The following RARS2 variants were observed in gnomAD, a reference collection of about 807,000 sequenced individuals.
RARS2 encodes the protein probable arginine--tRNA ligase, mitochondrial.
Under a neutral mutation model 88.5 loss-of-function variants are expected in RARS2, and 67 were observed. That is an observed-to-expected ratio of 0.76 (90% CI 0.62 to 0.93). The LOEUF is 0.93. RARS2 is among the 40% of genes least tolerant of loss of function. RARS2 has a pLI of 0.00. For synonymous variants in RARS2, 239 were observed against 230.3 expected (o/e 1.04, Z -0.34); for missense variants, 664 against 684.2 (o/e 0.97, Z 0.33).
In RARS2 at chr6:87,569,507, T is replaced by C; in HGVS notation, c.110+10A>G. On this transcript the variant is annotated intron_variant, in intron 2 of 19. Coordinates refer to ENST00000369536, the MANE Select transcript of RARS2 (RefSeq NM_020320.5). ...ATTTTATAGATTGTTACAAGTGTAT[T>C]ATACTTAACTCTTTTTGGGAAATTG... 6.4e-7 allele frequency: 1 copy of C among 1,570,228 alleles called. No homozygotes were observed. The highest frequency in any genetic ancestry group is 8.8e-7 in the Non-Finnish European group (1 of 1,140,354).
In RARS2 at chr6:87,569,723, AGCC is replaced by A; in HGVS notation, c.37-136_37-134del. 13 of 753,432 alleles carry A rather than the reference AGCC, an allele frequency of 1.7e-5. No homozygotes were observed. The Admixed American group carries it at 1.9e-4, about 11-fold the overall frequency. 46.7% of individuals were successfully genotyped at this position (753,432 alleles called of 1,614,324 possible). ...CTCCAAATGCATTCCAAGTGAAGGA[AGCC>A]AGATTCAAAAAGGTATATAGTGTAT... is the stretch of plus-strand genomic sequence containing the variant. On this transcript the variant is annotated intron_variant, in intron 1 of 19. Coordinates refer to ENST00000369536, the MANE Select transcript of RARS2 (RefSeq NM_020320.5).
At chr6:87,544,285 C>T (rs1488221871) in intron 7 of RARS2, among the ~76,000 whole-genome samples, 2 of 152,236 alleles carry the variant, frequency 1.3e-5, no homozygotes, top group African/African-American at 4.8e-5. Flanking sequence ...TTTTTAAATG[C>T]AGGGCATGTA....
chr6:87,521,462 AC>A lies in RARS2; in HGVS notation c.1035+1del. ...TCATAACTTTTTGTTCTGATTACTTACCACATATATCATTGTATCAAAATTA... is the reference window on the plus strand; with the variant it reads ...TCATAACTTTTTGTTCTGATTACTTACACATATATCATTGTATCAAAATTA... On this transcript the variant is annotated splice_donor_variant, in intron 12 of 19. Coordinates refer to ENST00000369536, the MANE Select transcript of RARS2 (RefSeq NM_020320.5). LOFTEE classifies it high-confidence loss of function. The A allele has an allele frequency of 6.3e-7, 1 of 1,594,806 alleles. No homozygotes were observed. The highest frequency in any genetic ancestry group is 2.2e-5 in the East Asian group (1 of 44,666).
intron 4 of RARS2, among the ~76,000 whole-genome samples, chr6:87,557,105 G>C (rs564934498): frequency 6.6e-6 from 1 of 152,220 alleles, no homozygotes; most frequent in African/African-American, 2.4e-5. Context: ...AAAGTGCTAG[G>C]TCCAAGACCA....
At chr6:87,570,428 A>AT (rs1438636839) in intron 1 of RARS2, among the ~76,000 whole-genome samples, 3 of 151,834 alleles carry the variant, frequency 2.0e-5, no homozygotes, top group East Asian at 3.9e-4. Flanking sequence ...TGAATGATTT[A>AT]TTTTTTTTGA....
At chr6:87,522,311 C>G (rs1774150551) in intron 11 of RARS2, among the ~76,000 whole-genome samples, 2 of 114,376 alleles carry the variant, frequency 1.7e-5, no homozygotes, top group South Asian at 5.6e-4. Flanking sequence ...GACTGAGCAA[C>G]AGAGCAAGAC....
intron 8 of RARS2, 66 bp from the exon 9 acceptor site, chr6:87,531,008 A>C (rs1175162850): frequency 2.5e-6 from 4 of 1,595,368 alleles, no homozygotes; most frequent in East Asian, 2.2e-5. Context: ...ACACGGAAAG[A>C]AAGCAAAAAA....
chr6:87,570,806 G>A (rs966228788), intron 1 of RARS2, among the ~76,000 whole-genome samples: 2 of 152,016 alleles, frequency 1.3e-5, no homozygotes, highest in African/African-American at 2.4e-5. Flanking sequence ...TCCCACCTCC[G>A]CCCCTCAAAG....
intron 5 of RARS2, among the ~76,000 whole-genome samples, chr6:87,550,220 C>T (rs1405769007): frequency 6.6e-6 from 1 of 152,062 alleles, no homozygotes; most frequent in African/African-American, 2.4e-5. Context: ...ACTCTTCTGC[C>T]TTTAAATAAT....
At chr6:87,552,462 C>G (rs1460821274) in intron 5 of RARS2, among the ~76,000 whole-genome samples, 1 of 152,184 alleles carries the variant, frequency 6.6e-6, no homozygotes, top group Non-Finnish European at 1.5e-5. Context: ...AGGAGATAGA[C>G]AGGCTCTGCC....
rs375525746 is a variant in RARS2, at chr6:87,530,983, T to A, written c.613-41A>T. 70 of 1,611,052 alleles carry A rather than the reference T, an allele frequency of 4.3e-5. No homozygotes were observed. In the African/African-American group the frequency reaches 9.2e-4, roughly 21 times the overall value. ...TACATTAAATGAAGTACATAACAGG[T>A]CATTGTTATCTCTAACACGGAAAGA... On this transcript the variant is annotated intron_variant, in intron 8 of 19. Coordinates refer to ENST00000369536, the MANE Select transcript of RARS2 (RefSeq NM_020320.5).
At chr6:87,535,685 T>G (rs1027817451) in intron 8 of RARS2, among the ~76,000 whole-genome samples, 6 of 149,002 alleles carry the variant, frequency 4.0e-5, no homozygotes, top group South Asian at 2.1e-4. Context: ...TGTTTTTTTT[T>G]TTTTTTTTTG....
chr6:87,527,408 T>C (rs1299115088), intron 10 of RARS2, among the ~76,000 whole-genome samples: 1 of 152,160 alleles, frequency 6.6e-6, no homozygotes, highest in Non-Finnish European at 1.5e-5. Flanking sequence ...TCTCTCACCA[T>C]GTACAAAAGT....
chr6:87,537,486 A>C (rs1441024438), intron 8 of RARS2, among the ~76,000 whole-genome samples: 2 of 152,216 alleles, frequency 1.3e-5, no homozygotes, highest in Non-Finnish European at 2.9e-5. Flanking sequence ...TGTATCCTAT[A>C]ATAGTTACTT....
intron 8 of RARS2, among the ~76,000 whole-genome samples, chr6:87,541,545 T>G (rs1247026635): frequency 1.3e-5 from 2 of 150,680 alleles, no homozygotes; most frequent in Non-Finnish European, 3.0e-5. Context: ...CTCTGGAGGC[T>G]GGGCGTGGTG....
chr6:87,560,552 T>C (rs931790961), intron 4 of RARS2, among the ~76,000 whole-genome samples: 3 of 152,224 alleles, frequency 2.0e-5, no homozygotes, highest in Non-Finnish European at 4.4e-5. Flanking sequence ...TCTTTGTTGG[T>C]CCTAACAAGA....
chr6:87,580,215 GTTT>G (rs1773057447), intron 1 of RARS2, among the ~76,000 whole-genome samples: 2 of 152,082 alleles, frequency 1.3e-5, no homozygotes, highest in Non-Finnish European at 2.9e-5. Flanking sequence ...GGGTAGGGCT[GTTT>G]CACCTGGCAT....
chr6:87,551,391 C>A (rs1302786058), intron 5 of RARS2, among the ~76,000 whole-genome samples: 1 of 151,768 alleles, frequency 6.6e-6, no homozygotes, highest in Non-Finnish European at 1.5e-5. Context: ...TTTGGGAGGC[C>A]GAGCTGGGTG....
chr6:87,556,633 T>TA (rs1236326041), intron 4 of RARS2, among the ~76,000 whole-genome samples: 2 of 150,232 alleles, frequency 1.3e-5, no homozygotes, highest in Non-Finnish European at 1.5e-5. Flanking sequence ...AAAAAAATTT[T>TA]AAAAAAAAAT....
Sources: allele counts gnomAD v4.1 joint callset (sites outside exome capture counted in the v4.1 genomes callset), GRCh38; gene constraint gnomAD v4.1.1; transcripts MANE v1.5; gene names NCBI Gene and HGNC (gene_info 2026-07-23, HGNC 2026-07-21).